The following SMAD9 variants were observed in gnomAD, a reference collection of about 807,000 sequenced individuals.
SMAD9 encodes MAD homolog 9.
A neutral mutation model predicts 46.1 loss-of-function variants in SMAD9; 36 were observed. The observed-to-expected ratio is 0.78, with a 90% confidence interval of 0.60 to 1.03. SMAD9 has a LOEUF of 1.03. SMAD9 is among the 50% of genes least tolerant of loss of function. The probability of loss-of-function intolerance (pLI) is 0.00; values close to 1 mark genes in which losing one functional copy is unlikely to be tolerated. For missense variants in SMAD9, 572 were observed against 599.8 expected (o/e 0.95, Z 0.48); for synonymous variants, 245 against 237.1 (o/e 1.03, Z -0.31).
Position 36,848,645 on chromosome 13 carries a change from T to C in SMAD9, c.*31A>G. On this transcript the variant is annotated 3_prime_UTR_variant, in exon 7 of 7. Coordinates refer to ENST00000379826, the MANE Select transcript of SMAD9 (RefSeq NM_001127217.3). The stretch of plus-strand genomic sequence containing the variant: ...AAGCCACTCCCTGCAATAGCCTCTA[T>C]CCTATGGAAATGCAGCTTAAGACAT... The C allele has an allele frequency of 6.2e-7, 1 of 1,610,240 alleles. No homozygotes were observed. Among genetic ancestry groups the C allele is most frequent in the South Asian group, 1.1e-5 (1 of 90,998 alleles).
At chr13:36,886,443 G>A (rs1383004280) in intron 1 of SMAD9, among the ~76,000 whole-genome samples, 1 of 152,224 alleles carries the variant, frequency 6.6e-6, no homozygotes. Flanking sequence ...TCTCCAAAAC[G>A]TTGTGGCTCT....
At chr13:36,867,413 G>T (rs746685277) in intron 3 of SMAD9, 30 bp from the exon 4 acceptor site, 1 of 1,409,710 alleles carries the variant, frequency 7.1e-7, no homozygotes, top group Non-Finnish European at 9.7e-7. Flanking sequence ...CAAAGGAATT[G>T]TCAAATCGAT....
intron 1 of SMAD9, among the ~76,000 whole-genome samples, chr13:36,885,123 G>A (rs1413091210): frequency 6.6e-6 from 1 of 152,172 alleles, no homozygotes; most frequent in Admixed American, 6.5e-5. Flanking sequence ...GAACACATTT[G>A]CTGAAGGAAC....
rs964637243 is a variant in SMAD9 at position 36,846,143 on chromosome 13, G to C, written c.*2533C>G. On this transcript the variant is annotated 3_prime_UTR_variant, in exon 7 of 7. Transcript: ENST00000379826. ...TCCAGATTTTTTTTTTGTTTTTAATGTCATTTATGAGCCACCAGTTTAGAT... is the reference window on the plus strand; with the variant it reads ...TCCAGATTTTTTTTTTGTTTTTAATCTCATTTATGAGCCACCAGTTTAGAT... 2 of 150,000 alleles carry C rather than the reference G, an allele frequency of 1.3e-5. No homozygotes were observed. The highest frequency in any genetic ancestry group is 1.3e-4 in the Admixed American group (2 of 15,060). 9.3% of individuals were successfully genotyped at this position (150,000 alleles called of 1,614,324 possible).
At position 36,872,656 on chromosome 13, in the gene SMAD9, A is replaced by C; in HGVS notation, c.670+2T>G. The C allele has an allele frequency of 6.2e-7, 1 of 1,613,896 alleles. No individual in the cohort carries two copies. ...TCCCCACAGACCATAGTTCTTACTG[A>C]CCTGAGTGTTGATAGGGACTCTCTG... On this transcript the variant is annotated splice_donor_variant, in intron 3 of 6. Coordinates refer to ENST00000379826, the MANE Select transcript of SMAD9 (RefSeq NM_001127217.3). LOFTEE classifies it high-confidence loss of function.
At chr13:36,892,385 G>C (rs764222899) in intron 1 of SMAD9, among the ~76,000 whole-genome samples, 51 of 152,232 alleles carry the variant, frequency 3.4e-4, no homozygotes, top group Middle Eastern at 3.4e-3. Flanking sequence ...CACCACCCTA[G>C]CAAGTGCAAA....
rs1413523314 is a variant in SMAD9 at position 36,847,374 on chromosome 13, G to A, written c.*1302C>T. The stretch of plus-strand genomic sequence containing the variant: ...CAATGCAGTGTTTAGTGCATGGCAA[G>A]TATATATATGAAAGTACCTAGAAAT... On this transcript the variant is annotated 3_prime_UTR_variant, in exon 7 of 7. Transcript: ENST00000379826. The A allele has an allele frequency of 1.3e-5, 2 of 152,200 alleles. No individual in the cohort carries two copies. Among genetic ancestry groups the A allele is most frequent in the Admixed American group, 6.5e-5 (1 of 15,284 alleles). The allele number at this position is 152,200 out of a possible 1,614,324, so 9.4% of individuals were successfully genotyped here. A position where few individuals can be genotyped will look rare whatever the true frequency, so the allele number is the denominator to read the frequency against.
At chr13:36,882,133 CAACAA>C (rs755604167) in intron 1 of SMAD9, among the ~76,000 whole-genome samples, 48 of 151,550 alleles carry the variant, frequency 3.2e-4, no homozygotes, top group Non-Finnish European at 4.6e-4. Context: ...TTTGCACAAA[CAACAA>C]AACAAAACAG....
intron 5 of SMAD9, among the ~76,000 whole-genome samples, chr13:36,854,436 C>T (rs958809020): frequency 6.6e-6 from 1 of 151,688 alleles, no homozygotes; most frequent in Non-Finnish European, 1.5e-5. Flanking sequence ...GGCACGATTT[C>T]AGCTCACTGC....
intron 1 of SMAD9, among the ~76,000 whole-genome samples, chr13:36,892,686 AT>A (rs879635740): frequency 3.9e-5 from 6 of 152,238 alleles, no homozygotes; most frequent in Non-Finnish European, 7.3e-5. Context: ...TACTAAGTAG[AT>A]AACTTATCAG....
At chr13:36,851,778 T>C (rs887267948) in intron 6 of SMAD9, 2 of 972,138 alleles carry the variant, frequency 2.1e-6, no homozygotes, top group Non-Finnish European at 2.4e-6. Flanking sequence ...TTTTAAAAGT[T>C]CCTGCAGTAT....
chr13:36,875,232 T>G lies in SMAD9; in HGVS notation c.413-2317A>C, dbSNP rs1040315199. On this transcript the variant is annotated intron_variant, in intron 2 of 6. Transcript: ENST00000379826. The stretch of plus-strand genomic sequence containing the variant: ...ATAAAGTCTTAAAAAAAGGTAAATG[T>G]TTTGGAATAAACAGACAATTACAAT... Among the ~76,000 whole-genome samples, 148 of 152,286 alleles carry G rather than the reference T, an allele frequency of 9.7e-4. 1 individual carries two copies. The highest frequency in any genetic ancestry group is 3.3e-3 in the African/African-American group (138 of 41,566).
At chr13:36,870,715 T>G (rs2058284679) in intron 3 of SMAD9, among the ~76,000 whole-genome samples, 1 of 128,000 alleles carries the variant, frequency 7.8e-6, no homozygotes. Context: ...TTTTTTTTCC[T>G]ATACATACCT....
chr13:36,872,824 C>T lies in SMAD9; in HGVS notation c.504G>A (p.Glu168=). Residue 168 remains glutamate, a synonymous_variant, in exon 3 of 7, where the codon GAG becomes GAA. Transcript: ENST00000379826. ...AGGTGGCGTTGTGTGGCATGAGTGG[C>T]TCACTGTGCAGGGAGGCGCTGCGGA... ...AKFRSASLHS[E]PLMPHNATYP... is the part of the protein sequence containing the mutation. The T allele has an allele frequency of 6.2e-7, 1 of 1,614,078 alleles. No individual in the cohort carries two copies. Among genetic ancestry groups the T allele is most frequent in the African/African-American group, 1.3e-5 (1 of 74,990 alleles).
At chr13:36,880,598 G>T (rs1191199148) in intron 1 of SMAD9, among the ~76,000 whole-genome samples, 4 of 152,168 alleles carry the variant, frequency 2.6e-5, no homozygotes, top group Non-Finnish European at 4.4e-5. Context: ...AAGGATCCCT[G>T]GGAGTCCCCT....
At chr13:36,878,206 G>A (rs1252769740) in intron 2 of SMAD9, among the ~76,000 whole-genome samples, 2 of 151,962 alleles carry the variant, frequency 1.3e-5, no homozygotes, top group Non-Finnish European at 2.9e-5. Context: ...GGGTGTGAAG[G>A]GTTTTAGAAA....
intron 6 of SMAD9, among the ~76,000 whole-genome samples, chr13:36,850,767 A>G (rs1009380792): frequency 2.0e-5 from 3 of 152,192 alleles, no homozygotes; most frequent in Non-Finnish European, 2.9e-5. Context: ...CCAAATTTGT[A>G]TTTCAAGCCC....
At chr13:36,878,044 AC>A (rs1401599014) in intron 2 of SMAD9, among the ~76,000 whole-genome samples, 1 of 152,188 alleles carries the variant, frequency 6.6e-6, no homozygotes, top group Admixed American at 6.5e-5. Context: ...TGCCACAGAA[AC>A]ACTCAATCTA....
At chr13:36,856,778 G>A (rs1008812652) in intron 5 of SMAD9, among the ~76,000 whole-genome samples, 5 of 151,626 alleles carry the variant, frequency 3.3e-5, no homozygotes, top group Non-Finnish European at 7.4e-5. Flanking sequence ...CAGGTCCAGG[G>A]TGAGGCCGGG....
Sources: allele counts gnomAD v4.1 joint callset (sites outside exome capture counted in the v4.1 genomes callset), GRCh38; gene constraint gnomAD v4.1.1; transcripts MANE v1.5; gene names NCBI Gene and HGNC (gene_info 2026-07-23, HGNC 2026-07-21).